NR3C1: variants seen among roughly 807,000 people sequenced by gnomAD.
NR3C1 encodes the protein glucocorticoid receptor.
Under a neutral mutation model 74.0 loss-of-function variants are expected in NR3C1, and 14 were observed. The ratio of observed to expected loss-of-function variants is 0.19; its 90% CI spans 0.12 to 0.30. The LOEUF is 0.30. Among genes scored for constraint, NR3C1 ranks in the 10% least tolerant of loss-of-function variants. NR3C1 has a pLI of 1.00. For missense variants in NR3C1, 695 were observed against 909.8 expected (o/e 0.76, Z 3.04); for synonymous variants, 308 against 332.5 (o/e 0.93, Z 0.80).
In NR3C1 at chr5:143,281,296, C is replaced by A. The variant is rs1409989324; in HGVS notation, c.*593G>T. The A allele has an allele frequency of 6.5e-6, 1 of 153,442 alleles. No homozygotes were observed. The highest frequency in any genetic ancestry group is 6.5e-5 in the Admixed American group (1 of 15,400). The allele number at this position is 153,442 out of a possible 1,614,324, so 9.5% of individuals were successfully genotyped here. On this transcript the variant is annotated 3_prime_UTR_variant, in exon 9 of 9. Coordinates refer to ENST00000394464, the MANE Select transcript of NR3C1 (RefSeq NM_000176.3). Reference sequence around the variant, plus strand: ...TAGCTGCCCATCTTAAACAGCTGTACAATAACTTGAATAAAAAATTATGTA... The same window carrying A: ...TAGCTGCCCATCTTAAACAGCTGTAAAATAACTTGAATAAAAAATTATGTA...
At chr5:143,283,610 C>CTAA (rs1489066297) in intron 7 of NR3C1, among the ~76,000 whole-genome samples, 1 of 152,056 alleles carries the variant, frequency 6.6e-6, no homozygotes, top group Admixed American at 6.5e-5. Flanking sequence ...TTTAATGTAG[C>CTAA]TAATAGATAT....
At chr5:143,357,160 C>G (rs555355877) in intron 2 of NR3C1, among the ~76,000 whole-genome samples, 1 of 152,042 alleles carries the variant, frequency 6.6e-6, no homozygotes, top group Admixed American at 6.5e-5. Context: ...ATATTTATAA[C>G]GTATTGCTAG....
intron 1 of NR3C1, among the ~76,000 whole-genome samples, chr5:143,431,549 G>A (rs966439991): frequency 7.9e-5 from 12 of 152,090 alleles, no homozygotes; most frequent in Non-Finnish European, 1.5e-4. Flanking sequence ...TAATGCATGC[G>A]AGGCTTAAAA....
chr5:143,367,900 T>C (rs570887377), intron 2 of NR3C1, among the ~76,000 whole-genome samples: 5 of 152,286 alleles, frequency 3.3e-5, no homozygotes, highest in African/African-American at 1.2e-4. Context: ...AGAGTTGATT[T>C]AAAATTCATA....
At chr5:143,428,395 C>A (rs1751644033) in intron 1 of NR3C1, among the ~76,000 whole-genome samples, 1 of 152,160 alleles carries the variant, frequency 6.6e-6, no homozygotes, top group African/African-American at 2.4e-5. Flanking sequence ...TCAGGTCATA[C>A]CCTTTTCTAA....
intron 2 of NR3C1, among the ~76,000 whole-genome samples, chr5:143,328,904 G>A (rs33380): frequency 6.6e-6 from 1 of 151,962 alleles, no homozygotes; most frequent in Admixed American, 6.5e-5. Flanking sequence ...CAAGTCTCTA[G>A]GACGTTCCAA....
In NR3C1 at chr5:143,279,496, T is replaced by C. The variant is rs1812792283; in HGVS notation, c.*2393A>G. 7.3e-7 allele frequency: 1 copy of C among 1,377,212 alleles called. No individual in the cohort carries two copies. Among genetic ancestry groups the C allele is most frequent in the African/African-American group, 1.5e-5 (1 of 65,828 alleles). The allele number at this position is 1,377,212 out of a possible 1,614,324, so 85.3% of individuals were successfully genotyped here. A position where few individuals can be genotyped will look rare whatever the true frequency, so the allele number is the denominator to read the frequency against. ...GATAAGAATATTCAAGCAGTTTTCT[T>C]AGGCACCAAAAATTTATCCAGCCGG... On this transcript the variant is annotated 3_prime_UTR_variant, in exon 9 of 9. Transcript: ENST00000394464.
intron 2 of NR3C1, among the ~76,000 whole-genome samples, chr5:143,325,477 G>A (rs1824386032): frequency 6.6e-6 from 1 of 152,206 alleles, no homozygotes; most frequent in Non-Finnish European, 1.5e-5. Context: ...TGAGGACACA[G>A]CCAAACCGCA....
chr5:143,323,604 T>G (rs1823880452), intron 2 of NR3C1, among the ~76,000 whole-genome samples: 1 of 152,102 alleles, frequency 6.6e-6, no homozygotes, highest in Admixed American at 6.6e-5. Flanking sequence ...TCCTCACATT[T>G]CAAAACCAAT....
At chr5:143,429,423 T>C (rs1751699613) in intron 1 of NR3C1, among the ~76,000 whole-genome samples, 2 of 152,202 alleles carry the variant, frequency 1.3e-5, no homozygotes, top group Non-Finnish European at 2.9e-5. Flanking sequence ...TTTTCCATAT[T>C]AGAAACAAAG....
At chr5:143,434,391 A>G in intron 1 of NR3C1, 2 of 262,978 alleles carry the variant, frequency 7.6e-6, no homozygotes, top group Non-Finnish European at 1.2e-5. Flanking sequence ...CTTCCTGTTC[A>G]GTTTAAACTA....
At chr5:143,383,146 A>G (rs1246298349) in intron 2 of NR3C1, among the ~76,000 whole-genome samples, 2 of 152,268 alleles carry the variant, frequency 1.3e-5, no homozygotes, top group African/African-American at 4.8e-5. Context: ...CCCATAAACC[A>G]TAAGCTTCAG....
intron 2 of NR3C1, among the ~76,000 whole-genome samples, chr5:143,387,010 T>C (rs1837350720): frequency 6.6e-6 from 1 of 152,200 alleles, no homozygotes; most frequent in African/African-American, 2.4e-5. Flanking sequence ...CTAGGAAGAT[T>C]AATCTGGCAG....
intron 2 of NR3C1, among the ~76,000 whole-genome samples, chr5:143,384,280 T>C (rs74771512): frequency 6.6e-6 from 1 of 152,184 alleles, no homozygotes; most frequent in African/African-American, 2.4e-5. Flanking sequence ...TGATTGAGAT[T>C]TGGGTGGGGA....
intron 1 of NR3C1, among the ~76,000 whole-genome samples, chr5:143,413,351 A>G (rs989839625): frequency 2.5e-4 from 38 of 152,122 alleles, no homozygotes; most frequent in African/African-American, 8.4e-4. Flanking sequence ...TCTTGAAGAT[A>G]ATACTTCTAA....
intron 2 of NR3C1, among the ~76,000 whole-genome samples, chr5:143,380,392 A>G (rs1835970865): frequency 6.6e-6 from 1 of 152,154 alleles, no homozygotes; most frequent in South Asian, 2.1e-4. Flanking sequence ...TGAATCATAC[A>G]AAAACCATTT....
In NR3C1 at chr5:143,403,385, G is replaced by GA. The variant is rs1328808882; in HGVS notation, c.-189dup. 1 of 985,318 alleles carries GA rather than the reference G, an allele frequency of 1.0e-6. No individual in the cohort carries two copies. The highest frequency in any genetic ancestry group is 1.2e-6 in the Non-Finnish European group (1 of 829,980). The allele number at this position is 985,318 out of a possible 1,614,324, so 61.0% of individuals were successfully genotyped here. The stretch of plus-strand genomic sequence containing the variant: ...GGGTGGGGGGAGAGCCCCTATTTAA[G>GA]AAAGTCTCCCATTGCCCAGCTGACA... On this transcript the variant is annotated 5_prime_UTR_variant, in exon 1 of 9. An upstream open reading frame in the 5' UTR gains an earlier in-frame stop. Transcript: ENST00000394464.
rs149787941 is a variant in NR3C1 at position 143,415,267 on chromosome 5, C to T, written c.-13-14415G>A. Reference sequence around the variant, plus strand: ...TGAGTTTTTATGTATATTCCAGATCCCCCACCCCATTATTCCCCTCTTTAA... The same window carrying T: ...TGAGTTTTTATGTATATTCCAGATCTCCCACCCCATTATTCCCCTCTTTAA... On this transcript the variant is annotated intron_variant, in intron 1 of 8. Transcript: ENST00000343796. 2.3e-3 allele frequency among the ~76,000 whole-genome samples: 349 copies of T among 151,972 alleles called. 1 individual carries two copies. The highest frequency in any genetic ancestry group is 7.9e-3 in the African/African-American group (327 of 41,464).
chr5:143,303,227 A>ATG (rs1818855190), intron 4 of NR3C1, among the ~76,000 whole-genome samples: 1 of 104,990 alleles, frequency 9.5e-6, no homozygotes, highest in Non-Finnish European at 1.7e-5. Flanking sequence ...TCTAGGGTTT[A>ATG]TGTGTGTGTG....
Sources: gnomAD v4.1 joint callset for allele counts (sites outside exome capture counted in the v4.1 genomes callset) on GRCh38, gnomAD v4.1.1 for gene constraint, MANE v1.5 for transcripts, NCBI Gene and HGNC (gene_info 2026-07-23, HGNC 2026-07-21) for gene names.